Variants in RBMS3 observed in about 807,000 individuals in gnomAD.
RBMS3 encodes the protein RNA-binding motif, single-stranded-interacting protein 3.
A neutral mutation model predicts 66.8 loss-of-function variants in RBMS3; 27 were observed. The observed-to-expected ratio is 0.40, with a 90% CI of 0.30 to 0.56. RBMS3 has a LOEUF of 0.56. Among genes scored for constraint, RBMS3 ranks in the 20% least tolerant of loss-of-function variants. RBMS3 has a pLI of 0.40. For missense variants in RBMS3, 513 were observed against 549.5 expected, an observed-to-expected ratio of 0.93 and a Z score of 0.66; for synonymous variants, 188 against 183.0, an observed-to-expected ratio of 1.03 and a Z score of -0.22.
rs139397182 is a variant in RBMS3 at position 29,809,107 on chromosome 3, G to A, written c.637+46118G>A. On this transcript the variant is annotated intron_variant, in intron 6 of 14. Coordinates refer to ENST00000383767, the MANE Select transcript of RBMS3 (RefSeq NM_001003793.3). ...TGCGTTTATTTCATAACAGTCAATG[G>A]AGAAAACAAAATAAAACTTAAATCA... is the stretch of plus-strand genomic sequence containing the variant. 4.8e-4 allele frequency among the ~76,000 whole-genome samples: 73 copies of A among 151,824 alleles called. 2 individuals carry two copies. The highest frequency in any genetic ancestry group is 1.7e-3 in the African/African-American group (71 of 41,476).
intron 1 of RBMS3, among the ~76,000 whole-genome samples, chr3:29,359,309 T>G (rs2037417211): frequency 6.6e-6 from 1 of 152,196 alleles, no homozygotes; most frequent in Non-Finnish European, 1.5e-5. Flanking sequence ...GACAATCATG[T>G]GGTTTTTGTC....
intron 10 of RBMS3, among the ~76,000 whole-genome samples, chr3:29,912,358 C>T (rs917333834): frequency 1.3e-5 from 2 of 151,978 alleles, no homozygotes; most frequent in East Asian, 1.9e-4. Flanking sequence ...AAATTAAAGA[C>T]GTGCATCTTC....
At chr3:29,328,257 A>T (rs1401669761) in intron 1 of RBMS3, among the ~76,000 whole-genome samples, 1 of 152,252 alleles carries the variant, frequency 6.6e-6, no homozygotes, top group Non-Finnish European at 1.5e-5. Context: ...GCACAAGAAT[A>T]TATAATGGTG....
intron 10 of RBMS3, among the ~76,000 whole-genome samples, chr3:29,935,655 G>GA (rs889157066): frequency 6.6e-6 from 1 of 152,026 alleles, no homozygotes; most frequent in Non-Finnish European, 1.5e-5. Flanking sequence ...GGGTGACTAA[G>GA]AATTATGTAT....
chr3:29,362,180 T>C (rs903923817), intron 1 of RBMS3, among the ~76,000 whole-genome samples: 18 of 152,252 alleles, frequency 1.2e-4, no homozygotes, highest in African/African-American at 4.3e-4. Context: ...TTTGTGGTTT[T>C]ATCTACCTTT....
intron 1 of RBMS3, among the ~76,000 whole-genome samples, chr3:29,344,986 T>A (rs1174651261): frequency 6.6e-6 from 1 of 152,182 alleles, no homozygotes; most frequent in East Asian, 1.9e-4. Flanking sequence ...GGCTGGAGGA[T>A]TCTTAATTAT....
At chr3:29,411,192 G>A (rs1394900706) in intron 1 of RBMS3, among the ~76,000 whole-genome samples, 1 of 152,028 alleles carries the variant, frequency 6.6e-6, no homozygotes, top group Non-Finnish European at 1.5e-5. Context: ...TGTTAATCTG[G>A]CCTAGCAGAA....
At chr3:29,828,930 G>C (rs563481203) in intron 6 of RBMS3, among the ~76,000 whole-genome samples, 1 of 152,260 alleles carries the variant, frequency 6.6e-6, no homozygotes, top group African/African-American at 2.4e-5. Flanking sequence ...TAGAAAGAAG[G>C]GTGAAGAAAT....
chr3:29,411,056 C>T (rs939524476), intron 1 of RBMS3, among the ~76,000 whole-genome samples: 12 of 151,540 alleles, frequency 7.9e-5, no homozygotes, highest in Middle Eastern at 3.4e-3. Context: ...TGAGTAGACT[C>T]AAGTCTCTTG....
chr3:29,322,389 T>C (rs552915307), intron 1 of RBMS3, among the ~76,000 whole-genome samples: 1 of 152,140 alleles, frequency 6.6e-6, no homozygotes, highest in Non-Finnish European at 1.5e-5. Flanking sequence ...TCACTTTGGA[T>C]GCCTTAAAAT....
intron 4 of RBMS3, among the ~76,000 whole-genome samples, chr3:29,598,599 T>C (rs1376764829): frequency 1.3e-5 from 2 of 152,164 alleles, no homozygotes; most frequent in East Asian, 3.9e-4. Context: ...AACAAATACA[T>C]ATCAACCATA....
At chr3:29,606,605 A>C (rs2048326804) in intron 4 of RBMS3, among the ~76,000 whole-genome samples, 1 of 151,934 alleles carries the variant, frequency 6.6e-6, no homozygotes, top group Admixed American at 6.6e-5. Flanking sequence ...GGTCAATTTC[A>C]TGAGCAGAAC....
chr3:29,976,449 A>G (rs1454709207), intron 12 of RBMS3, among the ~76,000 whole-genome samples: 2 of 152,112 alleles, frequency 1.3e-5, no homozygotes, highest in African/African-American at 4.8e-5. Context: ...TACTAAAACT[A>G]ATATAAAGCA....
At position 29,563,729 on chromosome 3, in the gene RBMS3, T is replaced by C. The variant is rs529700959; in HGVS notation, c.308-23385T>C. Among the ~76,000 whole-genome samples the C allele has an allele frequency of 2.0e-5, 3 of 152,152 alleles. No homozygotes were observed. The East Asian group carries it at 5.8e-4, about 29-fold the overall frequency. On this transcript the variant is annotated intron_variant, in intron 3 of 14. Transcript: ENST00000383767. ...TAAATATTATAATTGGATGTATATT[T>C]AATAGAAAATGTTGACTGGGCGTGG...
intron 4 of RBMS3, among the ~76,000 whole-genome samples, chr3:29,617,705 A>G (rs2149145345): frequency 6.6e-6 from 1 of 152,324 alleles, no homozygotes; most frequent in African/African-American, 2.4e-5. Flanking sequence ...GTTCATTTAT[A>G]AGACTATAGT....
intron 1 of RBMS3, among the ~76,000 whole-genome samples, chr3:29,298,397 A>T (rs1180199262): frequency 6.6e-6 from 1 of 151,908 alleles, no homozygotes; most frequent in Admixed American, 6.6e-5. Context: ...GTATGGTTTA[A>T]TTCCCTACCC....
intron 2 of RBMS3, among the ~76,000 whole-genome samples, chr3:29,437,910 C>T (rs374102269): frequency 6.6e-6 from 1 of 152,182 alleles, no homozygotes; most frequent in African/African-American, 2.4e-5. Context: ...CTCCAATCCC[C>T]TCGTGCAGTG....
At chr3:29,470,155 A>G (rs1483516958) in intron 2 of RBMS3, among the ~76,000 whole-genome samples, 1 of 151,574 alleles carries the variant, frequency 6.6e-6, no homozygotes, top group Non-Finnish European at 1.5e-5. Flanking sequence ...TAAAATTTAA[A>G]GATATCCATG....
chr3:29,446,188 C>T (rs2041825361), intron 2 of RBMS3, among the ~76,000 whole-genome samples: 1 of 152,152 alleles, frequency 6.6e-6, no homozygotes, highest in Non-Finnish European at 1.5e-5. Flanking sequence ...ACCACTTACT[C>T]ATTGTGAAAT....
Sources: allele counts gnomAD v4.1 joint callset (sites outside exome capture counted in the v4.1 genomes callset), GRCh38; gene constraint gnomAD v4.1.1; transcripts MANE v1.5; gene names NCBI Gene and HGNC (gene_info 2026-07-23, HGNC 2026-07-21).